The following TEP1 variants were observed in gnomAD, a reference collection of about 807,000 sequenced individuals.
TEP1 encodes telomerase protein component 1.
In TEP1, 241 loss-of-function variants were observed where a neutral mutation model predicts 306.3. The ratio of observed to expected loss-of-function variants is 0.79; its 90% CI spans 0.71 to 0.88. The LOEUF is 0.88. Among genes scored for constraint, TEP1 ranks in the 40% least tolerant of loss-of-function variants. The pLI, the probability that TEP1 is intolerant of heterozygous loss-of-function variation, is 0.00. For missense variants in TEP1, 3,051 were observed against 3,276.1 expected, an observed-to-expected ratio of 0.93 and a Z score of 1.68; for synonymous variants, 1,289 against 1,305.5, an observed-to-expected ratio of 0.99 and a Z score of 0.27.
chr14:20,387,551 C>CAAAAAAAAAAAAAAAAAAAAAAAAA (rs34816712), intron 18 of TEP1, among the ~76,000 whole-genome samples: 3 of 127,676 alleles, frequency 2.3e-5, no homozygotes, highest in Non-Finnish European at 5.0e-5. Flanking sequence ...GACTCCGTCT[C>CAAAAAAAAAAAAAAAAAAAAAAAAA]AAAAAAAAAA....
intron 9 of TEP1, among the ~76,000 whole-genome samples, chr14:20,397,205 A>G (rs7150966): frequency 0.084 from 12,820 of 152,236 alleles, 695 homozygotes; most frequent in South Asian, 0.18. Context: ...TAAACTTTTT[A>G]GATGGCCAAA....
intron 9 of TEP1, among the ~76,000 whole-genome samples, chr14:20,398,957 T>A (rs1878445088): frequency 6.6e-6 from 1 of 152,080 alleles, no homozygotes. Context: ...AGTGGCACAA[T>A]CTTGGCTCGC....
chr14:20,389,789 C>A (rs1231227394), intron 15 of TEP1, 49 bp from the exon 16 acceptor site: 1 of 1,607,240 alleles, frequency 6.2e-7, no homozygotes, highest in African/African-American at 1.3e-5. Flanking sequence ...GCTAGACAGC[C>A]CAGGACATTA....
chr14:20,375,891 G>A (rs1345963146), intron 42 of TEP1, 23 bp from the exon 43 acceptor site: 2 of 1,580,468 alleles, frequency 1.3e-6, no homozygotes, highest in South Asian at 2.2e-5. Context: ...CAAGGAGAGG[G>A]AGCAATCAGG....
chr14:20,369,006 A>G lies in TEP1; in HGVS notation c.7657-104T>C, dbSNP rs924895850. On this transcript the variant is annotated intron_variant, in intron 53 of 54. Coordinates refer to ENST00000262715, the MANE Select transcript of TEP1 (RefSeq NM_007110.5). ...AGACCTACAGCCCTCCTCCCTTAGT[A>G]TTTCTTTTTTTTTTTTTTGAGACAA... 21 of 784,318 alleles carry G rather than the reference A, an allele frequency of 2.7e-5. No individual in the cohort carries two copies. In the African/African-American group the frequency reaches 3.2e-4, roughly 12 times the overall value. 48.6% of individuals were successfully genotyped at this position (784,318 alleles called of 1,614,324 possible).
rs765095872 is a variant in TEP1, at chr14:20,366,497, A to G, written c.*1940T>C. The G allele has an allele frequency of 2.6e-5, 4 of 152,340 alleles. No individual in the cohort carries two copies. The highest frequency in any genetic ancestry group is 3.4e-3 in the Middle Eastern group (1 of 294). The allele number at this position is 152,340 out of a possible 1,614,324, so 9.4% of individuals were successfully genotyped here. On this transcript the variant is annotated 3_prime_UTR_variant, in exon 55 of 55. Transcript: ENST00000262715. Reference sequence around the variant, plus strand: ...GTGGAAATGATGGTCCAGAAGGTATATTTCGAGGCTTGGCATGAGGCACAT... The same window carrying G: ...GTGGAAATGATGGTCCAGAAGGTATGTTTCGAGGCTTGGCATGAGGCACAT...
At chr14:20,389,807 A>C in intron 15 of TEP1, 67 bp from the exon 16 acceptor site, 4 of 1,589,526 alleles carry the variant, frequency 2.5e-6, no homozygotes, top group Non-Finnish European at 8.6e-7. Flanking sequence ...TTAAGATATG[A>C]GCTTTCTGAG....
chr14:20,400,497 C>CAAAAAAAAAAAAAAAAAAAA (rs71108598), intron 9 of TEP1, among the ~76,000 whole-genome samples: 9 of 85,464 alleles, frequency 1.1e-4, no homozygotes, highest in Non-Finnish European at 1.8e-4. Context: ...AAAAGTAGAC[C>CAAAAAAAAAAAAAAAAAAAA]AAAAAAAAAA....
Position 20,402,040 on chromosome 14 carries a change from C to A in TEP1, c.1267-459G>T, listed in dbSNP as rs116204233. ...CCTATAAACCTAACACTTTGGGAGG[C>A]CAAGGCAGGTGGATCATTTGAATCC... is the stretch of plus-strand genomic sequence containing the variant. On this transcript the variant is annotated intron_variant, in intron 7 of 54. Transcript: ENST00000262715. Among the ~76,000 whole-genome samples, 1,057 of 152,202 alleles carry A rather than the reference C, an allele frequency of 6.9e-3. 12 individuals carry two copies. The highest frequency in any genetic ancestry group is 0.024 in the African/African-American group (1,000 of 41,506).
At chr14:20,374,755 T>C (rs538408498) in intron 43 of TEP1, among the ~76,000 whole-genome samples, 2 of 152,272 alleles carry the variant, frequency 1.3e-5, no homozygotes, top group East Asian at 3.9e-4. Context: ...AATGATAATG[T>C]ACCTATCTGA....
chr14:20,403,477 A>G (rs761780865), intron 6 of TEP1, 29 bp from the exon 7 acceptor site: 28 of 1,613,380 alleles, frequency 1.7e-5, no homozygotes, highest in Non-Finnish European at 2.3e-5. Context: ...CAATTTCAAA[A>G]AAAGGGAACT....
In TEP1 at chr14:20,403,371, A is replaced by T. The variant is rs1878911296; in HGVS notation, c.1266+6T>A. The T allele has an allele frequency of 1.2e-6, 2 of 1,613,970 alleles. No homozygotes were observed. The highest frequency in any genetic ancestry group is 1.7e-6 in the Non-Finnish European group (2 of 1,179,988). ...CACATATACAACCCCAGAAGAAGGG[A>T]CTCACCTTTCTCTGCTCTTCTCTGA... On this transcript the variant is annotated splice_donor_region_variant and intron_variant, in intron 7 of 54. Transcript: ENST00000262715.
At chr14:20,399,169 A>G (rs1022637875) in intron 9 of TEP1, among the ~76,000 whole-genome samples, 1 of 152,220 alleles carries the variant, frequency 6.6e-6, no homozygotes, top group African/African-American at 2.4e-5. Context: ...CTGGGATTAC[A>G]GGCGTGAGCC....
In TEP1 at chr14:20,389,265, A is replaced by T. The variant is rs1363564914; in HGVS notation, c.2498T>A (p.Leu833His). 4 of 1,614,212 alleles carry T rather than the reference A, an allele frequency of 2.5e-6. No homozygotes were observed. In the South Asian group the frequency reaches 4.4e-5, roughly 18 times the overall value. Residue 833 changes from leucine to histidine, a missense_variant, in exon 17 of 55, where the codon CTC becomes CAC. Transcript: ENST00000262715. ...CAGTATCGCATCAGTACAGCCTGAGAGTGTCACATCATTGGGATTCAAATC... is the reference window on the plus strand; with the variant it reads ...CAGTATCGCATCAGTACAGCCTGAGTGTGTCACATCATTGGGATTCAAATC... ...STDLNPNDVTLSGCTDAILKF... is the reference protein window; with the variant it reads ...STDLNPNDVTHSGCTDAILKF...
At position 20,373,369 on chromosome 14, in the gene TEP1, C is replaced by T. The variant is rs796803668; in HGVS notation, c.6715G>A (p.Gly2239Ser). 14 of 1,614,052 alleles carry T rather than the reference C, an allele frequency of 8.7e-6. No individual in the cohort carries two copies. Among genetic ancestry groups the T allele is most frequent in the East Asian group, 2.2e-5 (1 of 44,898 alleles). Residue 2239 changes from glycine to serine, a missense_variant, in exon 47 of 55, where the codon GGC becomes AGC. Transcript: ENST00000262715. ...CQTHTLLGHS[G>S]PVRAAAVSET... The stretch of plus-strand genomic sequence containing the variant: ...GAAACAGCAGCAGCACGGACTGGGC[C>T]GCTGTGTCCCAGGAGGGTGTGGGTT...
chr14:20,412,227 G>A (rs1879725949), intron 1 of TEP1, among the ~76,000 whole-genome samples: 1 of 152,088 alleles, frequency 6.6e-6, no homozygotes, highest in South Asian at 2.1e-4. Flanking sequence ...CCCTATATAA[G>A]CCCCCAAGGA....
chr14:20,385,008 G>A lies in TEP1; in HGVS notation c.3084C>T (p.Tyr1028=). The A allele has an allele frequency of 6.2e-7, 1 of 1,614,242 alleles. No individual in the cohort carries two copies. The highest frequency in any genetic ancestry group is 8.5e-7 in the Non-Finnish European group (1 of 1,180,044). The part of the protein sequence containing the change: ...RLQPSAQALI[Y]FRDSSFLSSV... ...ACCTGAGGAAGCTGGAATCCCGGAA[G>A]TAGATGAGAGCTTGGGCAGAGGGCT... is the stretch of plus-strand genomic sequence containing the variant. The change falls in exon 21 of 55, where the codon TAC becomes TAT. Residue 1028 remains tyrosine, a synonymous_variant. Coordinates refer to ENST00000262715, the MANE Select transcript of TEP1 (RefSeq NM_007110.5).
chr14:20,383,379 G>A (rs1876771607), intron 26 of TEP1, 26 bp from the exon 27 acceptor site: 1 of 1,601,054 alleles, frequency 6.2e-7, no homozygotes, highest in East Asian at 2.2e-5. Context: ...AAAGGGGCAG[G>A]AAGGTAGAAA....
Position 20,383,909 on chromosome 14 carries a change from C to G in TEP1, c.3544G>C (p.Val1182Leu), listed in dbSNP as rs1288479408. The G allele has an allele frequency of 3.1e-6, 5 of 1,599,430 alleles. No homozygotes were observed. The highest frequency in any genetic ancestry group is 1.1e-5 in the South Asian group (1 of 90,444). The change falls in exon 25 of 55, where the codon GTG (valine) becomes CTG (leucine). Residue 1182 changes from valine to leucine, a missense_variant. Physicochemically the swap from Val to Leu is conservative, Grantham distance 32. Transcript: ENST00000262715. ...QGKTAFLASLVSALQAPDGAK... is the reference protein window; with the variant it reads ...QGKTAFLASLLSALQAPDGAK... ...CCATCAGGAGCCTGCAGGGCTGACA[C>G]AAGAGATGCCTGCATGGGACAGGAA...
Sources: allele counts gnomAD v4.1 joint callset (sites outside exome capture counted in the v4.1 genomes callset), GRCh38; gene constraint gnomAD v4.1.1; transcripts MANE v1.5; gene names NCBI Gene and HGNC (gene_info 2026-07-23, HGNC 2026-07-21).